ANKS1B: variants seen among roughly 807,000 people sequenced by gnomAD.
ANKS1B encodes the protein ankyrin repeat and sterile alpha motif domain containing 1B, also known as ankyrin repeat and sterile alpha motif domain-containing protein 1B.
In ANKS1B, 36 loss-of-function variants were observed where a neutral mutation model predicts 148.3. The observed-to-expected ratio is 0.24, with a 90% CI of 0.19 to 0.32. The LOEUF is 0.32. ANKS1B is among the 10% of genes least tolerant of loss of function. ANKS1B has a pLI of 1.00. For missense variants in ANKS1B, 1,157 were observed against 1,542.6 expected (o/e 0.75, Z 4.19); for synonymous variants, 542 against 560.8 (o/e 0.97, Z 0.47).
rs574648557 is a variant in ANKS1B, at chr12:98,933,189, T to G, written c.2779-101053A>C. On this transcript the variant is annotated intron_variant, in intron 17 of 26. Coordinates refer to ENST00000683438, the MANE Select transcript of ANKS1B (RefSeq NM_001352186.2). ...TGGAAACCACAATTGCACTCTTTGATTCTATGAGTTTGACAATTTCAGATG... is the reference window on the plus strand; with the variant it reads ...TGGAAACCACAATTGCACTCTTTGAGTCTATGAGTTTGACAATTTCAGATG... Among the ~76,000 whole-genome samples the G allele has an allele frequency of 8.5e-5, 13 of 152,310 alleles. No individual in the cohort carries two copies. In the South Asian group the frequency reaches 2.7e-3, roughly 32 times the overall value.
At chr12:99,890,689 T>C (rs942280581) in intron 1 of ANKS1B, among the ~76,000 whole-genome samples, 3 of 151,524 alleles carry the variant, frequency 2.0e-5, no homozygotes, top group Non-Finnish European at 4.4e-5. Context: ...ACACAGACTA[T>C]GTACTAGAAA....
In ANKS1B at chr12:99,039,938, C is replaced by T. The variant is rs564379642; in HGVS notation, c.2778+13219G>A. On this transcript the variant is annotated intron_variant, in intron 17 of 26. Coordinates refer to ENST00000683438, the MANE Select transcript of ANKS1B (RefSeq NM_001352186.2). Reference sequence around the variant, plus strand: ...TAGTTCACAGTAAGTGAGAATGACTCATAGATTTAGTTCTCTCAGGTGGCG... The same window carrying T: ...TAGTTCACAGTAAGTGAGAATGACTTATAGATTTAGTTCTCTCAGGTGGCG... 2.0e-5 allele frequency among the ~76,000 whole-genome samples: 3 copies of T among 152,264 alleles called. No homozygotes were observed. The East Asian group carries it at 5.8e-4, about 29-fold the overall frequency.
At chr12:99,553,718 C>T (rs770664062) in intron 9 of ANKS1B, among the ~76,000 whole-genome samples, 6 of 152,202 alleles carry the variant, frequency 3.9e-5, no homozygotes, top group Non-Finnish European at 8.8e-5. Flanking sequence ...AACTGCCTAG[C>T]ATTCATTGAC....
Position 99,332,560 on chromosome 12 carries a change from T to C in ANKS1B, c.1756+67071A>G, listed in dbSNP as rs953891881. ...AAATAGTTAATGCAAAAAAGTGTCA[T>C]GGTTTTAATGCTAAAAACGTGTACC... On this transcript the variant is annotated intron_variant, in intron 12 of 26. Coordinates refer to ENST00000683438, the MANE Select transcript of ANKS1B (RefSeq NM_001352186.2). Among the ~76,000 whole-genome samples the C allele has an allele frequency of 3.9e-5, 6 of 151,966 alleles. No homozygotes were observed. The East Asian group carries it at 1.2e-3, about 29-fold the overall frequency.
At chr12:99,244,868 T>C (rs2089998978) in intron 13 of ANKS1B, among the ~76,000 whole-genome samples, 1 of 152,204 alleles carries the variant, frequency 6.6e-6, no homozygotes, top group South Asian at 2.1e-4. Context: ...TTTCTGTTTT[T>C]TGTTTCGACA....
chr12:99,255,578 GT>G (rs2075161248), intron 12 of ANKS1B, among the ~76,000 whole-genome samples: 1 of 151,686 alleles, frequency 6.6e-6, no homozygotes, highest in Non-Finnish European at 1.5e-5. Context: ...AGTCTTCAGC[GT>G]TTCTTCTTTT....
chr12:99,150,030 C>G (rs2074395676), intron 15 of ANKS1B, among the ~76,000 whole-genome samples: 3 of 152,142 alleles, frequency 2.0e-5, no homozygotes, highest in African/African-American at 7.2e-5. Flanking sequence ...GTCTTATTCA[C>G]TGTTACATCC....
At chr12:98,742,160 G>A (rs909874136), downstream of ANKS1B, among the ~76,000 whole-genome samples, 4 of 152,266 alleles carry the variant, frequency 2.6e-5, no homozygotes, top group South Asian at 2.1e-4. Flanking sequence ...TCTGATACCC[G>A]CGCTCCTCCA....
rs1373314822 is a variant in ANKS1B at position 98,801,163 on chromosome 12, T to C, written c.3142-38A>G. The C allele has an allele frequency of 1.2e-6, 2 of 1,604,036 alleles. No homozygotes were observed. The highest frequency in any genetic ancestry group is 2.7e-5 in the African/African-American group (2 of 74,780). ...TTTATTCTAGAGGCAATATGAGCAGTCAGCAAAGTTCATTCCCTGTAGCTA... is the reference window on the plus strand; with the variant it reads ...TTTATTCTAGAGGCAATATGAGCAGCCAGCAAAGTTCATTCCCTGTAGCTA... On this transcript the variant is annotated intron_variant, in intron 20 of 26. Coordinates refer to ENST00000683438, the MANE Select transcript of ANKS1B (RefSeq NM_001352186.2). The surrounding 1 kb of genome is among the most constrained non-coding windows in gnomAD (Gnocchi z 5.2).
intron 17 of ANKS1B, among the ~76,000 whole-genome samples, chr12:98,833,517 CT>C (rs1377620725): frequency 6.6e-6 from 1 of 152,116 alleles, no homozygotes; most frequent in Non-Finnish European, 1.5e-5. Flanking sequence ...TTTCTCTTCT[CT>C]TTTCAAGTTT....
chr12:99,206,802 A>T (rs2082721398), intron 14 of ANKS1B, among the ~76,000 whole-genome samples: 2 of 152,350 alleles, frequency 1.3e-5, no homozygotes, highest in Non-Finnish European at 1.5e-5. Context: ...GAACTAGATC[A>T]GTCTCTGAAG....
At chr12:99,261,982 T>C (rs2075974322) in intron 12 of ANKS1B, among the ~76,000 whole-genome samples, 1 of 152,154 alleles carries the variant, frequency 6.6e-6, no homozygotes. Flanking sequence ...CATCCAGCTA[T>C]ATTGCCTCTT....
At chr12:99,883,350 C>T (rs1398688481) in intron 1 of ANKS1B, among the ~76,000 whole-genome samples, 2 of 151,792 alleles carry the variant, frequency 1.3e-5, no homozygotes, top group Non-Finnish European at 2.9e-5. Context: ...AACAAACAAA[C>T]AAAAAAAGAA....
chr12:99,704,783 A>C (rs1600155404), intron 8 of ANKS1B, among the ~76,000 whole-genome samples: 1 of 152,230 alleles, frequency 6.6e-6, no homozygotes, highest in East Asian at 1.9e-4. Context: ...TGCATCTGAC[A>C]TTTCTTCAAA....
intron 10 of ANKS1B, among the ~76,000 whole-genome samples, chr12:99,490,846 A>G (rs920286017): frequency 6.6e-5 from 10 of 152,252 alleles, no homozygotes; most frequent in Admixed American, 6.5e-4. Context: ...TCTGCAGTAG[A>G]TATATCTGAC....
intron 1 of ANKS1B, among the ~76,000 whole-genome samples, chr12:99,841,315 T>C (rs1165668194): frequency 6.6e-6 from 1 of 152,102 alleles, no homozygotes; most frequent in African/African-American, 2.4e-5. Flanking sequence ...TCCCTTTTAA[T>C]ACATTAACAT....
intron 19 of ANKS1B, among the ~76,000 whole-genome samples, chr12:98,820,241 T>C (rs1485340074): frequency 6.6e-6 from 1 of 152,248 alleles, no homozygotes; most frequent in Non-Finnish European, 1.5e-5. Context: ...GCTGCTGGCA[T>C]TGGAATCCTG....
chr12:99,894,302 A>AGGGG (rs2093278720), intron 1 of ANKS1B, among the ~76,000 whole-genome samples: 1 of 23,402 alleles, frequency 4.3e-5, no homozygotes, highest in Non-Finnish European at 8.5e-5. Context: ...GGAGGGAGGG[A>AGGGG]GGGAGGGAGG....
intron 19 of ANKS1B, among the ~76,000 whole-genome samples, chr12:98,819,023 C>T (rs2099164048): frequency 6.6e-6 from 1 of 152,074 alleles, no homozygotes; most frequent in Non-Finnish European, 1.5e-5. Flanking sequence ...TTAATCAACA[C>T]TTCACTCAAT....
Sources: allele counts gnomAD v4.1 joint callset (sites outside exome capture counted in the v4.1 genomes callset), GRCh38; gene constraint gnomAD v4.1.1; non-coding constraint Gnocchi (gnomAD v3.1); transcripts MANE v1.5; gene names NCBI Gene and HGNC (gene_info 2026-07-23, HGNC 2026-07-21).